Variants in USP34 observed in about 807,000 individuals in gnomAD.
The protein encoded by USP34 is ubiquitin specific peptidase 34, also known as ubiquitin carboxyl-terminal hydrolase 34.
USP34 carries 70 observed loss-of-function variants against 460.3 expected under a neutral mutation model. That is an observed-to-expected ratio of 0.15 (90% CI 0.13 to 0.19). The LOEUF (loss-of-function observed/expected upper bound fraction) is 0.19. USP34 is among the 10% of genes least tolerant of loss of function. The pLI, the probability that USP34 is intolerant of heterozygous loss-of-function variation, is 1.00. For missense variants in USP34, 3,985 were observed against 4,236.2 expected (o/e 0.94, Z 1.65); for synonymous variants, 1,647 against 1,405.3 (o/e 1.17, Z -3.85).
intron 1 of USP34, among the ~76,000 whole-genome samples, chr2:61,450,441 G>T (rs896067564): frequency 5.3e-5 from 8 of 152,056 alleles, no homozygotes; most frequent in African/African-American, 9.7e-5. Flanking sequence ...AGTAATTGTG[G>T]TTTACAAGTG....
intron 25 of USP34, among the ~76,000 whole-genome samples, chr2:61,312,847 G>A (rs1311833965): frequency 1.3e-5 from 2 of 152,158 alleles, no homozygotes; most frequent in Non-Finnish European, 2.9e-5. Flanking sequence ...CAGGGATTAC[G>A]TACTATGTCT....
chr2:61,311,731 G>T (rs1179267918), intron 26 of USP34, 44 bp from the exon 27 acceptor site: 9 of 1,609,368 alleles, frequency 5.6e-6, no homozygotes, highest in African/African-American at 1.3e-5. Context: ...AAAAAGAACA[G>T]ATATTTGACC....
intron 43 of USP34, among the ~76,000 whole-genome samples, chr2:61,260,308 T>C (rs569334807): frequency 6.6e-6 from 1 of 152,178 alleles, no homozygotes; most frequent in Non-Finnish European, 1.5e-5. Context: ...GACTCACACA[T>C]TAGAGATTTA....
Position 61,192,944 on chromosome 2 carries a change from A to C in USP34, c.9545T>G (p.Leu3182Arg), listed in dbSNP as rs776413619. Residue 3182 changes from leucine (L) to arginine (R), a missense_variant, in exon 76 of 80, where the codon CTT becomes CGT. Leu to Arg is a moderately radical substitution (Grantham distance 102, BLOSUM62 -2). Coordinates refer to ENST00000398571, the MANE Select transcript of USP34 (RefSeq NM_014709.4). ...AGTCCAAAGTTTGGGGAACAGTGCA[A>C]GATGAAGTGGCAAACCTTCATAGGC... Reference protein sequence around the residue: ...LVAYEGLPLHLALFPKLWTEL... With the variant: ...LVAYEGLPLHRALFPKLWTEL... The C allele has an allele frequency of 3.1e-6, 5 of 1,613,888 alleles. No homozygotes were observed. In the African/African-American group the frequency reaches 6.7e-5, roughly 22 times the overall value.
At chr2:61,360,830 T>A (rs1490314425) in intron 10 of USP34, among the ~76,000 whole-genome samples, 3 of 152,306 alleles carry the variant, frequency 2.0e-5, no homozygotes, top group East Asian at 3.9e-4. Flanking sequence ...TAGTTTTTTG[T>A]ATTTTTGGTA....
rs1188697739 is a variant in USP34 at position 61,220,393 on chromosome 2, A to C, written c.7964T>G (p.Leu2655Arg). ...WLAVQTPRNK[L>R]AHSWVLQNME... ...ATTCTGTAAGACCCAGCTGTGTGCC[A>C]GTTTATTTCGGGGTGTCTGCACTGC... is the stretch of plus-strand genomic sequence containing the variant. The change falls in exon 67 of 80, where the codon CTG becomes CGG. Residue 2655 changes from leucine to arginine, a missense_variant. Physicochemically the swap from Leu to Arg is moderately radical, Grantham distance 102 (BLOSUM62 -2). Transcript: ENST00000398571. 1 of 1,613,958 alleles carries C rather than the reference A, an allele frequency of 6.2e-7. No individual in the cohort carries two copies. Among genetic ancestry groups the C allele is most frequent in the Non-Finnish European group, 8.5e-7 (1 of 1,179,980 alleles).
chr2:61,226,987 G>A (rs1687747316), intron 62 of USP34, 80 bp downstream of exon 62: 2 of 1,462,200 alleles, frequency 1.4e-6, no homozygotes, highest in Non-Finnish European at 9.1e-7. Flanking sequence ...AAAAGCTAGT[G>A]GAAAAACTAG....
chr2:61,303,375 G>GT (rs1690290108), intron 27 of USP34, among the ~76,000 whole-genome samples: 2 of 151,896 alleles, frequency 1.3e-5, no homozygotes, highest in African/African-American at 2.4e-5. Flanking sequence ...CCAGAATATC[G>GT]TAACATCTTA....
intron 10 of USP34, among the ~76,000 whole-genome samples, chr2:61,367,179 C>T (rs560837584): frequency 1.3e-5 from 2 of 152,286 alleles, no homozygotes; most frequent in South Asian, 2.1e-4. Context: ...AATTATGAAA[C>T]GTAACATAGA....
chr2:61,312,006 A>G (rs1264119674), intron 25 of USP34, 96 bp from the exon 26 acceptor site: 6 of 1,452,060 alleles, frequency 4.1e-6, no homozygotes, highest in African/African-American at 1.4e-5. Flanking sequence ...GGAAAAGTCC[A>G]AAAGAAGTTC....
chr2:61,383,385 A>C, intron 5 of USP34, 49 bp from the exon 6 acceptor site: 1 of 1,367,858 alleles, frequency 7.3e-7, no homozygotes, highest in Non-Finnish European at 1.0e-6. Flanking sequence ...TGTGAAATAC[A>C]TATATCTTTC....
intron 2 of USP34, among the ~76,000 whole-genome samples, chr2:61,412,555 A>T (rs923591089): frequency 2.0e-5 from 3 of 152,070 alleles, no homozygotes; most frequent in African/African-American, 7.2e-5. Context: ...CACAAAAGGG[A>T]AAAATGAAAT....
Position 61,208,964 on chromosome 2 carries a change from G to A in USP34, c.8854C>T (p.Leu2952=). The stretch of plus-strand genomic sequence containing the variant: ...AGTCTGTCTTCATCAGATTCTAATA[G>A]TATTCTGAAGGCACTAGAAGAAAAC... ...WTTLISAFRI[L]LESDEDRLLV... Residue 2952 remains leucine (L), a synonymous_variant, in exon 70 of 80, where the codon CTA becomes TTA. Coordinates refer to ENST00000398571, the MANE Select transcript of USP34 (RefSeq NM_014709.4). 3.8e-6 allele frequency: 6 copies of A among 1,586,358 alleles called. No homozygotes were observed. The highest frequency in any genetic ancestry group is 5.1e-6 in the Non-Finnish European group (6 of 1,166,310).
At chr2:61,352,565 T>G (rs1691971527) in intron 10 of USP34, among the ~76,000 whole-genome samples, 1 of 151,662 alleles carries the variant, frequency 6.6e-6, no homozygotes, top group Non-Finnish European at 1.5e-5. Flanking sequence ...TAAGCTCAAG[T>G]GATCCTCTTG....
chr2:61,401,877 C>T (rs1443927175), intron 3 of USP34, among the ~76,000 whole-genome samples: 1 of 150,958 alleles, frequency 6.6e-6, no homozygotes, highest in Non-Finnish European at 1.5e-5. Flanking sequence ...AATCTTTTTC[C>T]CTATACTTAG....
At chr2:61,467,390 TCCTCCTGCCTCAG>T (rs1288108620) in intron 1 of USP34, among the ~76,000 whole-genome samples, 2 of 152,040 alleles carry the variant, frequency 1.3e-5, no homozygotes, top group Admixed American at 1.3e-4. Context: ...CCTCAAACAA[TCCTCCTGCCTCAG>T]CCTCCTGCCG....
intron 12 of USP34, among the ~76,000 whole-genome samples, chr2:61,349,718 G>C (rs1387991032): frequency 1.3e-5 from 2 of 152,024 alleles, no homozygotes; most frequent in Non-Finnish European, 2.9e-5. Context: ...GCGGGCACCT[G>C]TAGTCCCAGC....
At chr2:61,356,178 T>C (rs1193178794) in intron 10 of USP34, among the ~76,000 whole-genome samples, 1 of 126,964 alleles carries the variant, frequency 7.9e-6, no homozygotes, top group Non-Finnish European at 1.8e-5. Flanking sequence ...ATGAATGAAT[T>C]TAAAAAAAAA....
intron 61 of USP34, among the ~76,000 whole-genome samples, chr2:61,228,109 T>G (rs1353667670): frequency 1.3e-5 from 2 of 152,202 alleles, no homozygotes; most frequent in Non-Finnish European, 2.9e-5. Context: ...TAAAACAAAT[T>G]AACTTCTCTA....
Sources: allele counts gnomAD v4.1 joint callset (sites outside exome capture counted in the v4.1 genomes callset), GRCh38; gene constraint gnomAD v4.1.1; transcripts MANE v1.5; gene names NCBI Gene and HGNC (gene_info 2026-07-23, HGNC 2026-07-21).